ZNF429: variants seen among roughly 807,000 people sequenced by gnomAD.
The protein encoded by ZNF429 is zinc finger protein 429.
Under a neutral mutation model 56.8 loss-of-function variants are expected in ZNF429, and 53 were observed. The ratio of observed to expected loss-of-function variants is 0.93; its 90% confidence interval spans 0.75 to 1.17. The LOEUF (loss-of-function observed/expected upper bound fraction) is 1.17. ZNF429 is among the 50% of genes most tolerant of loss of function. The probability of loss-of-function intolerance (pLI) is 0.00; values close to 1 mark genes in which losing one functional copy is unlikely to be tolerated. For missense variants in ZNF429, 849 were observed against 788.4 expected, an observed-to-expected ratio of 1.08 and a Z score of -0.92; for synonymous variants, 278 against 264.7, an observed-to-expected ratio of 1.05 and a Z score of -0.49.
At chr19:21,515,240 C>CTT (rs35926199) in intron 1 of ZNF429, among the ~76,000 whole-genome samples, 3,745 of 128,068 alleles carry the variant, frequency 0.029, 118 homozygotes, top group African/African-American at 0.085. Context: ...TGTGCCTGGC[C>CTT]TTTTTTTTTT....
intron 1 of ZNF429, among the ~76,000 whole-genome samples, chr19:21,518,213 A>G (rs528158066): frequency 1.8e-4 from 28 of 152,272 alleles, no homozygotes; most frequent in African/African-American, 6.3e-4. Context: ...AATCTCCTTC[A>G]GTTCTGATCT....
chr19:21,511,251 G>A (rs923218033), intron 1 of ZNF429, among the ~76,000 whole-genome samples: 10 of 151,826 alleles, frequency 6.6e-5, no homozygotes, highest in African/African-American at 1.9e-4. Context: ...CTGGCCCGGT[G>A]GGGGGCTGAC....
At chr19:21,513,305 T>C (rs767171976) in intron 1 of ZNF429, among the ~76,000 whole-genome samples, 9 of 152,216 alleles carry the variant, frequency 5.9e-5, no homozygotes, top group Non-Finnish European at 1.2e-4. Flanking sequence ...TTCTTTGTCC[T>C]ATACATTTCT....
intron 1 of ZNF429, among the ~76,000 whole-genome samples, chr19:21,510,207 G>A (rs2650831): frequency 0.019 from 2,937 of 152,258 alleles, 114 homozygotes; most frequent in African/African-American, 0.067. Context: ...GATGGGAGGG[G>A]AACGGCAAAT....
chr19:21,517,101 G>T (rs1332497139), intron 1 of ZNF429, among the ~76,000 whole-genome samples: 1 of 152,210 alleles, frequency 6.6e-6, no homozygotes, highest in African/African-American at 2.4e-5. Flanking sequence ...TTACTATTTT[G>T]AAGTATGTAC....
At chr19:21,530,132 A>G in intron 2 of ZNF429, among the ~76,000 whole-genome samples, 1 of 151,330 alleles carries the variant, frequency 6.6e-6, no homozygotes, top group East Asian at 2.0e-4. Context: ...TGGAGCTTGC[A>G]GTGAGCGGAG....
chr19:21,508,871 A>G (rs2032315335), intron 1 of ZNF429, among the ~76,000 whole-genome samples: 1 of 152,182 alleles, frequency 6.6e-6, no homozygotes, highest in Admixed American at 6.5e-5. Flanking sequence ...ATTCATGAAA[A>G]CATCAGTTGT....
intron 1 of ZNF429, among the ~76,000 whole-genome samples, chr19:21,521,039 C>T (rs1453820315): frequency 2.0e-5 from 3 of 152,166 alleles, no homozygotes; most frequent in Admixed American, 1.3e-4. Context: ...GTTCTACAGA[C>T]ATCATGACTA....
At chr19:21,535,436 CTT>C in intron 3 of ZNF429, among the ~76,000 whole-genome samples, 3 of 28,022 alleles carry the variant, frequency 1.1e-4, no homozygotes, top group African/African-American at 6.2e-4. Context: ...TTCTTTCTTT[CTT>C]TCTTTCTTTC....
In ZNF429 at chr19:21,537,036, T is replaced by G. The variant is rs2033713328; in HGVS notation, c.983T>G (p.Leu328Arg). ...CGKAFNRSST[L>R]TSHKRIHTGE... ...AAAGCCTTTAACCGGTCCTCAACCCTTACTAGCCATAAGAGAATACATACT... is the reference window on the plus strand; with the variant it reads ...AAAGCCTTTAACCGGTCCTCAACCCGTACTAGCCATAAGAGAATACATACT... Residue 328 changes from leucine to arginine, a missense_variant, in exon 4 of 4, where the codon CTT (leucine) becomes CGT (arginine). Physicochemically the swap from Leu to Arg is moderately radical, Grantham distance 102 (BLOSUM62 -2). Coordinates refer to ENST00000358491, the MANE Select transcript of ZNF429 (RefSeq NM_001001415.4). The G allele has an allele frequency of 6.8e-6, 11 of 1,614,046 alleles. No homozygotes were observed. The highest frequency in any genetic ancestry group is 9.3e-6 in the Non-Finnish European group (11 of 1,179,980).
At chr19:21,515,940 A>G (rs756287738) in intron 1 of ZNF429, among the ~76,000 whole-genome samples, 1 of 152,152 alleles carries the variant, frequency 6.6e-6, no homozygotes, top group Non-Finnish European at 1.5e-5. Context: ...GCATTGGTCT[A>G]TGAGTCTGCT....
At chr19:21,525,042 TCAA>T (rs2033114403) in intron 1 of ZNF429, among the ~76,000 whole-genome samples, 1 of 152,250 alleles carries the variant, frequency 6.6e-6, no homozygotes, top group Admixed American at 6.5e-5. Context: ...GTTTAGACTA[TCAA>T]CTGGATAAAT....
chr19:21,529,166 A>T (rs2033278279), intron 1 of ZNF429: 1 of 152,434 alleles, frequency 6.6e-6, no homozygotes. Flanking sequence ...AAACATTGGC[A>T]TTACTGGTGA....
chr19:21,509,226 C>T (rs772369776), intron 1 of ZNF429, among the ~76,000 whole-genome samples: 2 of 152,046 alleles, frequency 1.3e-5, no homozygotes, highest in Admixed American at 6.6e-5. Context: ...AGGCTTGTCT[C>T]GAACTCCTGA....
rs553752499 is a variant in ZNF429, at chr19:21,539,348, T to A, written c.*1270T>A. On this transcript the variant is annotated 3_prime_UTR_variant, in exon 4 of 4. Coordinates refer to ENST00000358491, the MANE Select transcript of ZNF429 (RefSeq NM_001001415.4). ...AAGTGCTGAGTATAGAAAATAAAACTAAAGTTGTTAAATTATTTGTATATA... is the reference window on the plus strand; with the variant it reads ...AAGTGCTGAGTATAGAAAATAAAACAAAAGTTGTTAAATTATTTGTATATA... 6.6e-6 allele frequency among the ~76,000 whole-genome samples: 1 copy of A among 151,926 alleles called. No individual in the cohort carries two copies. The highest frequency in any genetic ancestry group is 1.5e-5 in the Non-Finnish European group (1 of 67,996).
chr19:21,535,878 T>C, intron 3 of ZNF429, among the ~76,000 whole-genome samples: 2 of 152,110 alleles, frequency 1.3e-5, no homozygotes, highest in African/African-American at 4.8e-5. Flanking sequence ...TCTGGTAATA[T>C]CCTAGAAGCC....
At chr19:21,535,473 T>G in intron 3 of ZNF429, among the ~76,000 whole-genome samples, 1 of 95,706 alleles carries the variant, frequency 1.0e-5, no homozygotes, top group Non-Finnish European at 2.1e-5. Flanking sequence ...TCTTTCTTTC[T>G]TTCTTTCTTT....
chr19:21,530,208 A>T, intron 2 of ZNF429, among the ~76,000 whole-genome samples: 1 of 151,344 alleles, frequency 6.6e-6, no homozygotes, highest in African/African-American at 2.4e-5. Flanking sequence ...AAAAAAAAAA[A>T]GTTTGGGGAT....
chr19:21,530,706 A>G, intron 3 of ZNF429, 22 bp downstream of exon 3: 2 of 1,566,760 alleles, frequency 1.3e-6, no homozygotes, highest in Non-Finnish European at 1.7e-6. Flanking sequence ...TGAACACAAC[A>G]GACAACACAG....
Sources: allele counts gnomAD v4.1 joint callset (sites outside exome capture counted in the v4.1 genomes callset), GRCh38; gene constraint gnomAD v4.1.1; transcripts MANE v1.5; gene names NCBI Gene and HGNC (gene_info 2026-07-23, HGNC 2026-07-21).